The following LTBP1 variants were observed in gnomAD, a reference collection of about 807,000 sequenced individuals.
LTBP1 encodes latent-transforming growth factor beta-binding protein 1.
Under a neutral mutation model 207.6 loss-of-function variants are expected in LTBP1, and 129 were observed. The ratio of observed to expected loss-of-function variants is 0.62; its 90% CI spans 0.54 to 0.72. The LOEUF (loss-of-function observed/expected upper bound fraction) is 0.72. Among genes scored for constraint, LTBP1 ranks in the 30% least tolerant of loss-of-function variants. LTBP1 has a pLI of 0.00. For synonymous variants in LTBP1, 963 were observed against 833.7 expected (o/e 1.16, Z -2.67); for missense variants, 2,281 against 2,217.2 (o/e 1.03, Z -0.58).
At chr2:33,395,907 ATT>A (rs1192232196) in intron 32 of LTBP1, among the ~76,000 whole-genome samples, 1 of 147,956 alleles carries the variant, frequency 6.8e-6, no homozygotes, top group Admixed American at 6.7e-5. Context: ...CTAGCCATAT[ATT>A]TTTTTTTTTT....
chr2:33,204,793 C>G (rs2089704202), intron 7 of LTBP1, among the ~76,000 whole-genome samples: 1 of 152,188 alleles, frequency 6.6e-6, no homozygotes, highest in South Asian at 2.1e-4. Context: ...AAACTGATAG[C>G]TGATTTGACC....
intron 2 of LTBP1, among the ~76,000 whole-genome samples, chr2:32,950,276 G>A (rs113802013): frequency 6.0e-4 from 92 of 152,280 alleles, no homozygotes; most frequent in African/African-American, 2.2e-3. Context: ...ACGGAATAGG[G>A]CCTGGTGCGG....
chr2:33,228,402 T>C (rs1404982099), intron 9 of LTBP1, among the ~76,000 whole-genome samples: 1 of 152,202 alleles, frequency 6.6e-6, no homozygotes, highest in African/African-American at 2.4e-5. Flanking sequence ...CTAGAGAGGC[T>C]AAGTCATTTG....
intron 2 of LTBP1, among the ~76,000 whole-genome samples, chr2:33,016,707 A>AAAAAT (rs1405969514): frequency 6.6e-6 from 1 of 152,160 alleles, no homozygotes; most frequent in Admixed American, 6.5e-5. Context: ...TGATGGGAAA[A>AAAAAT]AAAATAAAAT....
At chr2:33,214,583 C>A (rs1475320362) in intron 7 of LTBP1, among the ~76,000 whole-genome samples, 1 of 152,178 alleles carries the variant, frequency 6.6e-6, no homozygotes, top group Non-Finnish European at 1.5e-5. Flanking sequence ...GCTGTTCCAA[C>A]CTCGGGGACT....
Position 33,110,675 on chromosome 2 carries a change from G to A in LTBP1, c.957G>A (p.Gly319=), listed in dbSNP as rs2080352057. 1.2e-6 allele frequency: 2 copies of A among 1,614,216 alleles called. No individual in the cohort carries two copies. The highest frequency in any genetic ancestry group is 1.7e-6 in the Non-Finnish European group (2 of 1,180,032). ...LKPKYFPAQK[G]ISGEQSTEGS... The stretch of plus-strand genomic sequence containing the variant: ...CCAAGTACTTTCCAGCCCAGAAGGG[G>A]ATTTCAGGAGAGCAGTCCACTGAAG... The change falls in exon 4 of 34, where the codon GGG becomes GGA. Residue 319 remains glycine, a synonymous_variant. Coordinates refer to ENST00000404816, the MANE Select transcript of LTBP1 (RefSeq NM_206943.4).
At chr2:33,262,426 A>G (rs1573493160) in intron 13 of LTBP1, among the ~76,000 whole-genome samples, 1 of 151,940 alleles carries the variant, frequency 6.6e-6, no homozygotes, top group East Asian at 1.9e-4. Flanking sequence ...GGGCCAAGAC[A>G]TTTACTTACA....
intron 3 of LTBP1, among the ~76,000 whole-genome samples, chr2:33,078,945 G>A (rs1375269549): frequency 4.4e-5 from 6 of 135,358 alleles, no homozygotes; most frequent in African/African-American, 7.9e-5. Flanking sequence ...TGCAAGCTCC[G>A]CCTCCCTGCT....
rs534938903 is a variant in LTBP1, at chr2:33,052,338, G to C, written c.863+31132G>C. Among the ~76,000 whole-genome samples the C allele has an allele frequency of 1.6e-3, 240 of 152,300 alleles. 1 individual carries two copies. Among genetic ancestry groups the C allele is most frequent in the Middle Eastern group, 0.014 (4 of 294 alleles). The stretch of plus-strand genomic sequence containing the variant: ...CCTCTAATGTTTACTTTTTAAAATG[G>C]TAAACCAATTTTAATATTGTTCATA... On this transcript the variant is annotated intron_variant, in intron 3 of 33. Coordinates refer to ENST00000404816, the MANE Select transcript of LTBP1 (RefSeq NM_206943.4).
At chr2:33,301,294 A>G (rs967057816) in intron 21 of LTBP1, among the ~76,000 whole-genome samples, 6 of 152,224 alleles carry the variant, frequency 3.9e-5, no homozygotes, top group Admixed American at 1.3e-4. Flanking sequence ...TCCACACTGT[A>G]TAAGGCCATT....
intron 24 of LTBP1, among the ~76,000 whole-genome samples, chr2:33,330,014 A>C (rs1054660741): frequency 2.6e-5 from 4 of 152,104 alleles, no homozygotes; most frequent in African/African-American, 4.8e-5. Context: ...CTGTGAATAC[A>C]ACACACCCCT....
chr2:33,188,824 G>A lies in LTBP1; in HGVS notation c.1674G>A (p.Arg558=), dbSNP rs1490693268. The change falls in exon 7 of 34, where the codon CGG becomes CGA. Residue 558 remains arginine (R), a synonymous_variant. Transcript: ENST00000404816. ...TGGCTGCTAAGACACAGCTTGGCCG[G>A]TGCTTCCAGGAAACCATTGGGTCAC... ...YPVAAKTQLG[R]CFQETIGSQC... The A allele has an allele frequency of 3.1e-6, 5 of 1,614,084 alleles. No homozygotes were observed. Among genetic ancestry groups the A allele is most frequent in the African/African-American group, 2.7e-5 (2 of 75,006 alleles).
At chr2:33,054,280 G>T (rs2076881455) in intron 3 of LTBP1, among the ~76,000 whole-genome samples, 2 of 152,190 alleles carry the variant, frequency 1.3e-5, no homozygotes, top group South Asian at 2.1e-4. Context: ...TCCTTACTCA[G>T]CCTTGAGCTT....
chr2:33,060,171 A>G (rs1322548463), intron 3 of LTBP1, among the ~76,000 whole-genome samples: 2 of 107,684 alleles, frequency 1.9e-5, no homozygotes, highest in African/African-American at 5.8e-5. Flanking sequence ...AAAACCAGGG[A>G]TTATTTAAGT....
At chr2:33,271,889 TATTA>T (rs1168006969) in intron 15 of LTBP1, among the ~76,000 whole-genome samples, 4 of 152,186 alleles carry the variant, frequency 2.6e-5, no homozygotes, top group Non-Finnish European at 5.9e-5. Context: ...TAGGCAGTCA[TATTA>T]ATTACCCATG....
intron 3 of LTBP1, among the ~76,000 whole-genome samples, chr2:33,107,248 A>G (rs2150215430): frequency 6.6e-6 from 1 of 152,380 alleles, no homozygotes; most frequent in Middle Eastern, 3.4e-3. Context: ...GTAGATATGT[A>G]TTCGATCTCC....
Position 33,268,437 on chromosome 2 carries a change from G to A in LTBP1, c.2617+5045G>A, listed in dbSNP as rs1396824566. ...CATTGTTTAGTGATTATATCTTTAC[G>A]ATGGTGAAATTGGAAGTAGCCTTTT... On this transcript the variant is annotated intron_variant, in intron 15 of 33. Coordinates refer to ENST00000404816, the MANE Select transcript of LTBP1 (RefSeq NM_206943.4). 3.3e-5 allele frequency among the ~76,000 whole-genome samples: 5 copies of A among 152,142 alleles called. No individual in the cohort carries two copies. The South Asian group carries it at 6.2e-4, about 19-fold the overall frequency.
In LTBP1 at chr2:33,098,547, C is replaced by G. The variant is rs2079523833; in HGVS notation, c.864-12035C>G. Among the ~76,000 whole-genome samples, 6 of 152,230 alleles carry G rather than the reference C, an allele frequency of 3.9e-5. No homozygotes were observed. In the South Asian group the frequency reaches 6.2e-4, roughly 16 times the overall value. On this transcript the variant is annotated intron_variant, in intron 3 of 33. Transcript: ENST00000404816. The stretch of plus-strand genomic sequence containing the variant: ...TCCTGAGTTCTAGTGATTCCCCTGC[C>G]TCAGCCTCCTGAGCAGCTTGGACTA...
chr2:33,342,871 A>G lies in LTBP1; in HGVS notation c.3764A>G (p.Asp1255Gly), dbSNP rs1366792554. ...IDECVNNTVC[D>G]SHGFCDNTAG... ...GAATGTGTAAACAACACTGTTTGTG[A>G]CAGTCACGGGTTTTGTGACAATACA... Residue 1255 changes from aspartate (D) to glycine (G), a missense_variant, in exon 25 of 34, where the codon GAC (aspartate) becomes GGC (glycine). Transcript: ENST00000404816. 6.2e-7 allele frequency: 1 copy of G among 1,614,114 alleles called. No homozygotes were observed. Among genetic ancestry groups the G allele is most frequent in the Admixed American group, 1.7e-5 (1 of 60,022 alleles).
Sources: gnomAD v4.1 joint callset for allele counts (sites outside exome capture counted in the v4.1 genomes callset) on GRCh38, gnomAD v4.1.1 for gene constraint, MANE v1.5 for transcripts, NCBI Gene and HGNC (gene_info 2026-07-23, HGNC 2026-07-21) for gene names.